Variants in PAQR5 observed in about 807,000 individuals in gnomAD.
PAQR5 encodes the protein membrane progestin receptor gamma.
A neutral mutation model predicts 34.5 loss-of-function variants in PAQR5; 20 were observed. The observed-to-expected ratio is 0.58, with a 90% confidence interval of 0.41 to 0.84. PAQR5 has a LOEUF of 0.84. Among genes scored for constraint, PAQR5 ranks in the 40% least tolerant of loss-of-function variants. The pLI, the probability that PAQR5 is intolerant of heterozygous loss-of-function variation, is 0.00. For missense variants in PAQR5, 378 were observed against 412.7 expected (o/e 0.92, Z 0.73); for synonymous variants, 131 against 155.6 (o/e 0.84, Z 1.18).
At chr15:69,360,174 A>C (rs375128274) in intron 3 of PAQR5, 43 bp downstream of exon 3, 2 of 1,529,086 alleles carry the variant, frequency 1.3e-6, no homozygotes, top group Non-Finnish European at 1.8e-6. Context: ...CCAGAGTGTG[A>C]CCAGGGCTTG....
At chr15:69,386,715 C>T (rs66510533) in intron 5 of PAQR5, among the ~76,000 whole-genome samples, 11,327 of 151,750 alleles carry the variant, frequency 0.075, 611 homozygotes, top group East Asian at 0.19. Flanking sequence ...TCCTCTCACA[C>T]GATCCGGCTC....
chr15:69,317,739 C>T (rs529876848), intron 1 of PAQR5, among the ~76,000 whole-genome samples: 17 of 152,210 alleles, frequency 1.1e-4, no homozygotes, highest in African/African-American at 4.1e-4. Context: ...TGAAATGCAC[C>T]CGGGGTGCTA....
chr15:69,329,174 T>TTGTTGA (rs2054321114), intron 1 of PAQR5, among the ~76,000 whole-genome samples: 1 of 152,172 alleles, frequency 6.6e-6, no homozygotes, highest in Non-Finnish European at 1.5e-5. Flanking sequence ...TGTTGAAACT[T>TTGTTGA]TGTTGAAAGC....
At chr15:69,394,542 G>A (rs1305845017) in intron 6 of PAQR5, among the ~76,000 whole-genome samples, 1 of 152,246 alleles carries the variant, frequency 6.6e-6, no homozygotes, top group Non-Finnish European at 1.5e-5. Context: ...CGGAATTCCA[G>A]TTGCCAATCC....
At chr15:69,365,154 T>C (rs2055366649) in intron 3 of PAQR5, among the ~76,000 whole-genome samples, 1 of 151,498 alleles carries the variant, frequency 6.6e-6, no homozygotes, top group Non-Finnish European at 1.5e-5. Flanking sequence ...TCACCCAGGC[T>C]GGAGTGCAGT....
intron 4 of PAQR5, among the ~76,000 whole-genome samples, chr15:69,380,599 A>C (rs1225115881): frequency 6.6e-6 from 1 of 152,220 alleles, no homozygotes; most frequent in South Asian, 2.1e-4. Flanking sequence ...TGTATGCAGA[A>C]ATGGAAGTGG....
At chr15:69,302,572 G>A (rs2053629016) in intron 1 of PAQR5, among the ~76,000 whole-genome samples, 1 of 152,166 alleles carries the variant, frequency 6.6e-6, no homozygotes, top group East Asian at 1.9e-4. Context: ...TGAGGATGCT[G>A]CCCACCTTGC....
At chr15:69,304,455 G>T (rs1276338412) in intron 1 of PAQR5, among the ~76,000 whole-genome samples, 2 of 152,220 alleles carry the variant, frequency 1.3e-5, no homozygotes, top group African/African-American at 2.4e-5. Flanking sequence ...GGTGACTCTA[G>T]ACATCAGTTT....
At chr15:69,396,470 G>A (rs968646402) in intron 6 of PAQR5, among the ~76,000 whole-genome samples, 16 of 152,102 alleles carry the variant, frequency 1.1e-4, no homozygotes, top group South Asian at 2.1e-4. Flanking sequence ...GAGCCTCAGC[G>A]TGTGGCTGTG....
chr15:69,337,766 G>C (rs566716524), intron 2 of PAQR5, among the ~76,000 whole-genome samples: 3 of 152,198 alleles, frequency 2.0e-5, no homozygotes, highest in Non-Finnish European at 4.4e-5. Context: ...AATTCATTTT[G>C]TAAACTGTAA....
At chr15:69,390,631 T>C (rs927710318) in intron 6 of PAQR5, among the ~76,000 whole-genome samples, 2 of 152,004 alleles carry the variant, frequency 1.3e-5, no homozygotes, top group Non-Finnish European at 2.9e-5. Flanking sequence ...CTAAGACAAA[T>C]GGAAGGATTA....
intron 6 of PAQR5, among the ~76,000 whole-genome samples, chr15:69,392,568 T>A (rs374414228): frequency 2.6e-5 from 4 of 152,186 alleles, no homozygotes; most frequent in Admixed American, 2.6e-4. Flanking sequence ...CGTTAGGAGC[T>A]GAGGGTGCCA....
intron 6 of PAQR5, among the ~76,000 whole-genome samples, chr15:69,396,003 GC>G (rs1479401009): frequency 2.6e-5 from 4 of 151,860 alleles, no homozygotes; most frequent in Non-Finnish European, 5.9e-5. Context: ...GTGCTCGGTT[GC>G]CCTGAGGACT....
intron 3 of PAQR5, among the ~76,000 whole-genome samples, chr15:69,372,534 C>T (rs746867907): frequency 1.3e-5 from 2 of 152,150 alleles, no homozygotes; most frequent in Non-Finnish European, 1.5e-5. Flanking sequence ...CAGAGTGAGA[C>T]TCTGTCTCAA....
At chr15:69,299,184 A>C (rs1595813784) in intron 1 of PAQR5, 128 bp downstream of exon 1, 1 of 151,960 alleles carries the variant, frequency 6.6e-6, no homozygotes, top group East Asian at 1.9e-4. Flanking sequence ...GGCCGCTCCG[A>C]GGGCGGGTCT....
chr15:69,396,672 C>A (rs1427304349), intron 6 of PAQR5, among the ~76,000 whole-genome samples: 1 of 152,156 alleles, frequency 6.6e-6, no homozygotes, highest in Non-Finnish European at 1.5e-5. Flanking sequence ...TGTGCAGAGA[C>A]CCTCCCTGCC....
At chr15:69,316,678 T>C (rs1458102335) in intron 1 of PAQR5, among the ~76,000 whole-genome samples, 1 of 152,216 alleles carries the variant, frequency 6.6e-6, no homozygotes, top group Non-Finnish European at 1.5e-5. Flanking sequence ...GTCCCGGCTA[T>C]GCATCAAGGG....
chr15:69,329,117 G>A (rs2054320059), intron 1 of PAQR5, among the ~76,000 whole-genome samples: 1 of 152,220 alleles, frequency 6.6e-6, no homozygotes, highest in African/African-American at 2.4e-5. Flanking sequence ...GCACTGCAAG[G>A]GGCTGGTGGT....
intron 1 of PAQR5, among the ~76,000 whole-genome samples, chr15:69,312,098 C>T (rs924886516): frequency 2.0e-5 from 3 of 151,782 alleles, no homozygotes; most frequent in East Asian, 1.9e-4. Context: ...GAGCAAACTG[C>T]GGGGTGCAGG....
Sources: gnomAD v4.1 joint callset for allele counts (sites outside exome capture counted in the v4.1 genomes callset) on GRCh38, gnomAD v4.1.1 for gene constraint, MANE v1.5 for transcripts, NCBI Gene and HGNC (gene_info 2026-07-23, HGNC 2026-07-21) for gene names.